HIP1: variants seen among roughly 807,000 people sequenced by gnomAD.
The protein encoded by HIP1 is huntingtin-interacting protein 1.
HIP1 carries 65 observed loss-of-function variants against 147.6 expected under a neutral mutation model. That is an observed-to-expected ratio of 0.44 (90% CI 0.36 to 0.54). The LOEUF (loss-of-function observed/expected upper bound fraction) is 0.54. HIP1 is among the 20% of genes least tolerant of loss of function. The pLI is 0.00. For missense variants in HIP1, 1,061 were observed against 1,299.6 expected, an observed-to-expected ratio of 0.82 and a Z score of 2.82; for synonymous variants, 479 against 504.0, an observed-to-expected ratio of 0.95 and a Z score of 0.67.
At chr7:75,670,905 A>G (rs1554515226) in intron 1 of HIP1, among the ~76,000 whole-genome samples, 1 of 150,080 alleles carries the variant, frequency 6.7e-6, no homozygotes, top group Non-Finnish European at 1.5e-5. Flanking sequence ...TACAGGCGTG[A>G]GCCACCGCGC....
At chr7:75,714,487 C>G (rs2117360328) in intron 1 of HIP1, among the ~76,000 whole-genome samples, 1 of 147,706 alleles carries the variant, frequency 6.8e-6, no homozygotes, top group Admixed American at 6.8e-5. Context: ...GAGTCTCTCT[C>G]TGTCAGCCAG....
intron 1 of HIP1, among the ~76,000 whole-genome samples, chr7:75,616,814 T>C (rs190870785): frequency 1.9e-3 from 282 of 152,336 alleles, no homozygotes; most frequent in African/African-American, 6.4e-3. Context: ...TGCCTGAGCC[T>C]GTGTCCTCCT....
chr7:75,559,692 C>A, intron 14 of HIP1, 40 bp downstream of exon 14: 1 of 1,398,438 alleles, frequency 7.2e-7, no homozygotes, highest in South Asian at 1.3e-5. Flanking sequence ...CTGCCCGCGC[C>A]TGCCCCCGGG....
chr7:75,644,276 G>T (rs1275053320), intron 1 of HIP1, among the ~76,000 whole-genome samples: 2 of 152,084 alleles, frequency 1.3e-5, no homozygotes, highest in Non-Finnish European at 2.9e-5. Flanking sequence ...GCTAGCTCTT[G>T]GAAGCTTCTG....
Position 75,609,397 on chromosome 7 carries a change from G to A in HIP1, c.121-10150C>T, listed in dbSNP as rs587714835. Among the ~76,000 whole-genome samples the A allele has an allele frequency of 2.0e-5, 3 of 152,208 alleles. No individual in the cohort carries two copies. In the East Asian group the frequency reaches 5.8e-4, roughly 29 times the overall value. On this transcript the variant is annotated intron_variant, in intron 1 of 30. Coordinates refer to ENST00000336926, the MANE Select transcript of HIP1 (RefSeq NM_005338.7). ...TGTCAGATACTGAGGGGTTTCCAGGGCAGAAGTTCCCTGCGAGGACCAGTT... is the reference window on the plus strand; with the variant it reads ...TGTCAGATACTGAGGGGTTTCCAGGACAGAAGTTCCCTGCGAGGACCAGTT...
chr7:75,667,888 C>T (rs1343157960), intron 1 of HIP1, among the ~76,000 whole-genome samples: 1 of 152,236 alleles, frequency 6.6e-6, no homozygotes, highest in Non-Finnish European at 1.5e-5. Flanking sequence ...AATGCCAATT[C>T]TAGATTAATC....
intron 1 of HIP1, among the ~76,000 whole-genome samples, chr7:75,645,192 T>C (rs1798763751): frequency 6.6e-6 from 1 of 152,066 alleles, no homozygotes; most frequent in South Asian, 2.1e-4. Flanking sequence ...TTTACAAGGA[T>C]TGTTTATTTT....
intron 8 of HIP1, among the ~76,000 whole-genome samples, chr7:75,571,836 A>T (rs928766695): frequency 4.6e-5 from 7 of 152,114 alleles, no homozygotes; most frequent in Admixed American, 2.0e-4. Context: ...TGCCTGCATC[A>T]GCCTCCCAAA....
chr7:75,543,317 A>C (rs1358965410), intron 27 of HIP1, among the ~76,000 whole-genome samples: 2 of 152,184 alleles, frequency 1.3e-5, no homozygotes, highest in African/African-American at 4.8e-5. Context: ...CACACTTTAC[A>C]TGAGAATCAG....
chr7:75,553,707 G>A, intron 21 of HIP1, 118 bp from the exon 22 acceptor site: 1 of 918,028 alleles, frequency 1.1e-6, no homozygotes, highest in Admixed American at 2.5e-5. Context: ...CTGAGTTCAA[G>A]CGATTCTCCT....
intron 1 of HIP1, among the ~76,000 whole-genome samples, chr7:75,731,173 G>C (rs551346623): frequency 6.6e-6 from 1 of 152,020 alleles, no homozygotes; most frequent in African/African-American, 2.4e-5. Flanking sequence ...GAGATAGAAG[G>C]GTACAGAAGT....
Position 75,650,597 on chromosome 7 carries a change from T to C in HIP1, c.121-51350A>G, listed in dbSNP as rs571659303. Among the ~76,000 whole-genome samples the C allele has an allele frequency of 7.2e-5, 11 of 152,114 alleles. 1 individual carries two copies. Among genetic ancestry groups the C allele is most frequent in the African/African-American group, 2.6e-4 (11 of 41,510 alleles). On this transcript the variant is annotated intron_variant, in intron 1 of 30. Coordinates refer to ENST00000336926, the MANE Select transcript of HIP1 (RefSeq NM_005338.7). ...CCTCCCAAGTTGCTGGAATTACAGG[T>C]GCACACCACCACGCCCATCTAATTT... is the stretch of plus-strand genomic sequence containing the variant.
intron 2 of HIP1, among the ~76,000 whole-genome samples, chr7:75,595,190 T>TTCTTTCTTTCTC (rs1796647550): frequency 2.8e-5 from 1 of 35,718 alleles, no homozygotes; most frequent in Non-Finnish European, 6.1e-5. Context: ...TAGGAGTCCT[T>TTCTTTCTTTCTC]TCTTTCTTTC....
At chr7:75,674,500 T>TTTTTTTTG (rs75607880) in intron 1 of HIP1, among the ~76,000 whole-genome samples, 71 of 114,350 alleles carry the variant, frequency 6.2e-4, no homozygotes, top group African/African-American at 2.3e-3. Flanking sequence ...CGGCTTTTTG[T>TTTTTTTTG]TTTTTTTTTT....
intron 1 of HIP1, among the ~76,000 whole-genome samples, chr7:75,728,837 G>A (rs78569620): frequency 0.091 from 13,484 of 148,590 alleles, 794 homozygotes; most frequent in Middle Eastern, 0.14. Context: ...CAGGGACGAG[G>A]GACCCTGATG....
In HIP1 at chr7:75,592,512, A is replaced by C. The variant is rs1554501024; in HGVS notation, c.187T>G (p.Cys63Gly). The change falls in exon 3 of 31, where the codon TGC becomes GGC. Residue 63 changes from cysteine (C) to glycine (G), a missense_variant and splice_region_variant. Cys to Gly is a radical substitution (Grantham distance 159). Coordinates refer to ENST00000336926, the MANE Select transcript of HIP1 (RefSeq NM_005338.7). ...VAVKEKHART[C>G]ILGTHHEKGA... ...TTCTCATGGTGGGTGCCCAGTATGCACGGTGAGGGGGGGTTATGGAAAACA... is the reference window on the plus strand; with the variant it reads ...TTCTCATGGTGGGTGCCCAGTATGCCCGGTGAGGGGGGGTTATGGAAAACA... The C allele has an allele frequency of 6.2e-7, 1 of 1,610,076 alleles. No homozygotes were observed. The highest frequency in any genetic ancestry group is 1.1e-5 in the South Asian group (1 of 90,928).
At chr7:75,573,482 C>T (rs1236367364) in intron 8 of HIP1, among the ~76,000 whole-genome samples, 1 of 152,188 alleles carries the variant, frequency 6.6e-6, no homozygotes, top group South Asian at 2.1e-4. Flanking sequence ...CGGGCAAAGG[C>T]ACCACTGGCC....
chr7:75,581,573 G>A (rs898429059), intron 6 of HIP1, among the ~76,000 whole-genome samples: 1 of 152,212 alleles, frequency 6.6e-6, no homozygotes, highest in Non-Finnish European at 1.5e-5. Flanking sequence ...GAGGTCAGGA[G>A]TTCAAGACCA....
At chr7:75,693,773 AAGGG>A (rs781904253) in intron 1 of HIP1, among the ~76,000 whole-genome samples, 117 of 138,066 alleles carry the variant, frequency 8.5e-4, no homozygotes, top group Non-Finnish European at 1.7e-3. Flanking sequence ...TACTCGGGGG[AAGGG>A]AGGGAGGGAG....
Sources: allele counts gnomAD v4.1 joint callset (sites outside exome capture counted in the v4.1 genomes callset), GRCh38; gene constraint gnomAD v4.1.1; transcripts MANE v1.5; gene names NCBI Gene and HGNC (gene_info 2026-07-23, HGNC 2026-07-21).